USP10: variants seen among roughly 807,000 people sequenced by gnomAD.
The protein encoded by USP10 is ubiquitin carboxyl-terminal hydrolase 10.
A neutral mutation model predicts 84.5 loss-of-function variants in USP10; 22 were observed. That is an observed-to-expected ratio of 0.26 (90% CI 0.19 to 0.37). The LOEUF (loss-of-function observed/expected upper bound fraction) is 0.37, where lower values mean the gene tolerates loss of function less well. USP10 is among the 10% of genes least tolerant of loss of function. USP10 has a pLI of 1.00. For missense variants in USP10, 1,019 were observed against 998.9 expected (o/e 1.02, Z -0.27); for synonymous variants, 454 against 387.6 (o/e 1.17, Z -2.01).
rs1287751735 is a variant in USP10, at chr16:84,700,659, A to T, written c.21+548A>T. ...GTTTTTTAGATAGAAGTAGCAGAGT[A>T]GCGGCCTTGGGCTGCTGTTGCAAAG... is the stretch of plus-strand genomic sequence containing the variant. On this transcript the variant is annotated intron_variant, in intron 1 of 13. Transcript: ENST00000219473. Among the ~76,000 whole-genome samples the T allele has an allele frequency of 2.6e-5, 4 of 152,336 alleles. No homozygotes were observed. The East Asian group carries it at 5.8e-4, about 22-fold the overall frequency.
chr16:84,774,083 C>T lies in USP10; in HGVS notation c.2144-1077C>T, dbSNP rs139404758. On this transcript the variant is annotated intron_variant, in intron 12 of 13. Transcript: ENST00000219473. ...TGACCAACGTGGTGAAACCCCAACT[C>T]TTCTAAAAACACAAAAATTAGCCTA... Among the ~76,000 whole-genome samples the T allele has an allele frequency of 8.2e-3, 1,245 of 152,126 alleles. 9 individuals carry two copies. Among genetic ancestry groups the T allele is most frequent in the African/African-American group, 0.029 (1,183 of 41,460 alleles).
At chr16:84,744,572 A>G (rs1318822771) in intron 3 of USP10, 61 bp from the exon 4 acceptor site, 1 of 1,421,138 alleles carries the variant, frequency 7.0e-7, no homozygotes, top group East Asian at 2.4e-5. Context: ...AAAGTGAGTA[A>G]TTACTGGTAC....
In USP10 at chr16:84,733,486, C is replaced by G. The variant is rs140147479; in HGVS notation, c.73C>G (p.Pro25Ala). The G allele has an allele frequency of 1.7e-4, 267 of 1,608,516 alleles. 1 individual carries two copies. The African/African-American group carries it at 1.8e-3, about 11-fold the overall frequency. The change falls in exon 2 of 14, where the codon CCT becomes GCT. Residue 25 changes from proline (P) to alanine (A), a missense_variant. Physicochemically the swap from Pro to Ala is conservative, Grantham distance 27. Transcript: ENST00000219473. ...PDEFNQFFVT[P>A]RSSVELPPYS... ...TGAATTCAATCAATTCTTTGTGACT[C>G]CTCGATCTTCAGTTGAGGTAAGACA...
chr16:84,769,779 GTT>G (rs1364511538), intron 11 of USP10, among the ~76,000 whole-genome samples: 1 of 151,820 alleles, frequency 6.6e-6, no homozygotes, highest in African/African-American at 2.4e-5. Context: ...TGATGTGTCT[GTT>G]TTTCTCTTTT....
chr16:84,747,667 G>C (rs1414845343), intron 4 of USP10, among the ~76,000 whole-genome samples: 2 of 144,170 alleles, frequency 1.4e-5, no homozygotes. Flanking sequence ...GGGTTCAAGT[G>C]ATTCTCCTGC....
intron 1 of USP10, among the ~76,000 whole-genome samples, chr16:84,720,242 C>T (rs1163786195): frequency 3.3e-5 from 5 of 152,154 alleles, no homozygotes; most frequent in East Asian, 1.9e-4. Context: ...TGGCGATGTG[C>T]GTTCCTTCCT....
At chr16:84,757,507 A>C (rs78233201) in intron 4 of USP10, among the ~76,000 whole-genome samples, 1,824 of 151,986 alleles carry the variant, frequency 0.012, 32 homozygotes, top group African/African-American at 0.041. Flanking sequence ...ATCTGCCAGT[A>C]CAATGTAGTT....
chr16:84,774,510 AC>A (rs1914781137), intron 12 of USP10, among the ~76,000 whole-genome samples: 1 of 151,242 alleles, frequency 6.6e-6, no homozygotes, highest in Non-Finnish European at 1.5e-5. Flanking sequence ...TTGCTCTGTC[AC>A]CCAGGCTGGA....
In USP10 at chr16:84,744,779, A is replaced by C. The variant is rs752322061; in HGVS notation, c.298A>C (p.Thr100Pro). 1 of 1,613,628 alleles carries C rather than the reference A, an allele frequency of 6.2e-7. No homozygotes were observed. The highest frequency in any genetic ancestry group is 1.1e-5 in the South Asian group (1 of 91,038). Reference sequence around the variant, plus strand: ...TCTCGGTTGTACAGCTTCCAAAATAACCCCTGATGGTATCACTAAAGAAGC... The same window carrying C: ...TCTCGGTTGTACAGCTTCCAAAATACCCCCTGATGGTATCACTAAAGAAGC... Reference protein sequence around the residue: ...FILGCTASKITPDGITKEASY... With the variant: ...FILGCTASKIPPDGITKEASY... Residue 100 changes from threonine (T) to proline (P), a missense_variant, in exon 4 of 14, where the codon ACC becomes CCC. Physicochemically the swap from Thr to Pro is conservative, Grantham distance 38. This residue lies in a region of USP10 where 787 missense variants were observed against 708.8 expected (regional missense o/e 1.11). Transcript: ENST00000219473.
chr16:84,774,764 T>C (rs752811748), intron 12 of USP10, among the ~76,000 whole-genome samples: 24 of 152,340 alleles, frequency 1.6e-4, no homozygotes, highest in Non-Finnish European at 2.2e-4. Flanking sequence ...CCACCGTGCC[T>C]GGCCTGTAAT....
In USP10 at chr16:84,740,359, A is replaced by G. The variant is rs748885722; in HGVS notation, c.141A>G (p.Lys47=). Residue 47 remains lysine (K), a synonymous_variant, in exon 3 of 14, where the codon AAA becomes AAG. Transcript: ENST00000219473. ...TGTGTGGCACACAGGCTGTGGATAA[A>G]CTACCTGATGGTAAGCTAGTTCTCT... is the stretch of plus-strand genomic sequence containing the variant. ...TVLCGTQAVD[K]LPDGQEYQRI... is the part of the protein sequence containing the mutation. The G allele has an allele frequency of 3.1e-6, 5 of 1,612,764 alleles. No homozygotes were observed. The highest frequency in any genetic ancestry group is 4.2e-6 in the Non-Finnish European group (5 of 1,179,154).
chr16:84,769,810 G>C (rs1007349944), intron 11 of USP10, among the ~76,000 whole-genome samples: 1 of 151,872 alleles, frequency 6.6e-6, no homozygotes, highest in Non-Finnish European at 1.5e-5. Context: ...TGCAATTACA[G>C]TTTGACTTTG....
chr16:84,726,181 A>G (rs144616022), intron 1 of USP10, among the ~76,000 whole-genome samples: 1 of 152,232 alleles, frequency 6.6e-6, no homozygotes, highest in Non-Finnish European at 1.5e-5. Context: ...TTCCAGAGAG[A>G]TGAAACTTTC....
chr16:84,759,646 G>T (rs1043173354), intron 6 of USP10, among the ~76,000 whole-genome samples, 174 bp downstream of exon 6: 5 of 152,150 alleles, frequency 3.3e-5, no homozygotes, highest in African/African-American at 1.2e-4. Flanking sequence ...AAATGGAATT[G>T]GAGCATTGAT....
intron 1 of USP10, among the ~76,000 whole-genome samples, chr16:84,722,219 G>T (rs7202154): frequency 0.091 from 13,857 of 152,196 alleles, 801 homozygotes; most frequent in African/African-American, 0.16. Flanking sequence ...CTTTTGTTTG[G>T]TTACCTTCAC....
intron 13 of USP10, among the ~76,000 whole-genome samples, chr16:84,776,477 A>G (rs1197600711): frequency 6.6e-6 from 1 of 152,188 alleles, no homozygotes; most frequent in Non-Finnish European, 1.5e-5. Context: ...TGGGACGGCC[A>G]TGGGCACCAC....
At chr16:84,776,592 T>C (rs563762825) in intron 13 of USP10, among the ~76,000 whole-genome samples, 26 of 152,066 alleles carry the variant, frequency 1.7e-4, no homozygotes, top group African/African-American at 5.5e-4. Context: ...GGCACCCAGG[T>C]CCCAGTGGGT....
At chr16:84,727,886 C>A (rs1245771836) in intron 1 of USP10, among the ~76,000 whole-genome samples, 1 of 152,178 alleles carries the variant, frequency 6.6e-6, no homozygotes, top group African/African-American at 2.4e-5. Flanking sequence ...TTTTTCTAAC[C>A]TGTCCATATT....
chr16:84,761,621 G>A (rs1024040062), intron 8 of USP10, among the ~76,000 whole-genome samples: 5 of 152,348 alleles, frequency 3.3e-5, no homozygotes, highest in East Asian at 1.9e-4. Context: ...TACAGACTCC[G>A]TGTCCAGAGT....
Sources: allele counts gnomAD v4.1 joint callset (sites outside exome capture counted in the v4.1 genomes callset), GRCh38; gene constraint gnomAD v4.1.1; regional missense constraint gnomAD v4.1.1; transcripts MANE v1.5; gene names NCBI Gene and HGNC (gene_info 2026-07-23, HGNC 2026-07-21).